AOPEP: variants seen among roughly 807,000 people sequenced by gnomAD.
The protein encoded by AOPEP is aminopeptidase O (putative).
AOPEP carries 77 observed loss-of-function variants against 98.1 expected under a neutral mutation model. The ratio of observed to expected loss-of-function variants is 0.78; its 90% CI spans 0.65 to 0.95. The LOEUF (loss-of-function observed/expected upper bound fraction) is 0.95. Among genes scored for constraint, AOPEP ranks in the 40% least tolerant of loss-of-function variants. The pLI is 0.00. For missense variants in AOPEP, 1,024 were observed against 1,024.7 expected (o/e 1.00, Z 0.01); for synonymous variants, 346 against 365.3 (o/e 0.95, Z 0.60).
intron 13 of AOPEP, among the ~76,000 whole-genome samples, chr9:95,039,379 C>CAACAAAGAAA (rs1204801399): frequency 6.6e-6 from 1 of 151,950 alleles, no homozygotes; most frequent in Non-Finnish European, 1.5e-5. Flanking sequence ...CAAGCCTGGG[C>CAACAAAGAAA]AACATGGTGA....
intron 5 of AOPEP, among the ~76,000 whole-genome samples, chr9:94,861,540 C>A (rs2044991233): frequency 6.6e-6 from 1 of 152,188 alleles, no homozygotes; most frequent in African/African-American, 2.4e-5. Flanking sequence ...TCCATGACAA[C>A]AGAGCCAAGC....
chr9:95,043,975 G>C (rs2133641179), intron 13 of AOPEP, among the ~76,000 whole-genome samples: 1 of 152,306 alleles, frequency 6.6e-6, no homozygotes, highest in South Asian at 2.1e-4. Flanking sequence ...TGACCTTCCT[G>C]TGTTCTCTTT....
intron 1 of AOPEP, among the ~76,000 whole-genome samples, chr9:94,729,104 C>T (rs184813120): frequency 1.2e-3 from 181 of 152,158 alleles, no homozygotes; most frequent in Non-Finnish European, 2.2e-3. Flanking sequence ...TTCTTGTGAT[C>T]GTGATATTTA....
At chr9:95,004,579 TC>T (rs2061793975) in intron 11 of AOPEP, among the ~76,000 whole-genome samples, 1 of 152,056 alleles carries the variant, frequency 6.6e-6, no homozygotes, top group Admixed American at 6.5e-5. Context: ...GGACCAGGTT[TC>T]CGACTCCAGG....
chr9:94,963,587 TTGTTTTATCAATAGATTTTGGGGA>T (rs150149240), intron 9 of AOPEP, among the ~76,000 whole-genome samples: 8,098 of 152,192 alleles, frequency 0.053, 612 homozygotes, highest in African/African-American at 0.17. Context: ...AATAAATCTA[TTGTTTTATCAATAGATTTTGGGGA>T]GTGGGGGTGG....
intron 7 of AOPEP, among the ~76,000 whole-genome samples, chr9:94,953,789 G>A (rs903942557): frequency 6.6e-6 from 1 of 152,126 alleles, no homozygotes; most frequent in African/African-American, 2.4e-5. Context: ...ACTCCTCAGT[G>A]TTGATCCAGT....
chr9:94,819,014 C>A (rs1421508022), intron 5 of AOPEP, among the ~76,000 whole-genome samples: 2 of 151,798 alleles, frequency 1.3e-5, no homozygotes, highest in Non-Finnish European at 2.9e-5. Flanking sequence ...AGCAAACAAA[C>A]AAAAAAAATA....
chr9:94,733,485 A>G (rs1193856970), intron 1 of AOPEP, among the ~76,000 whole-genome samples: 4 of 152,178 alleles, frequency 2.6e-5, no homozygotes, highest in Non-Finnish European at 4.4e-5. Context: ...TAGTATTTGC[A>G]CCGTGTAACC....
intron 13 of AOPEP, among the ~76,000 whole-genome samples, chr9:95,050,168 A>T (rs142735442): frequency 6.6e-6 from 1 of 152,244 alleles, no homozygotes; most frequent in African/African-American, 2.4e-5. Flanking sequence ...TTTGTGCAAA[A>T]TGTGTAACTT....
rs1039078105 is a variant in AOPEP, at chr9:94,945,821, AT to A, written c.1662-9346del. On this transcript the variant is annotated intron_variant, in intron 7 of 16. Transcript: ENST00000375315. ...TTGCCTCTTTCCAGAAGAAGTCGTG[AT>A]TTTTTTTTTAATGCAATACAGAAAA... Among the ~76,000 whole-genome samples, 146 of 149,488 alleles carry A rather than the reference AT, an allele frequency of 9.8e-4. 1 individual carries two copies. The highest frequency in any genetic ancestry group is 1.1e-3 in the South Asian group (5 of 4,740).
intron 1 of AOPEP, among the ~76,000 whole-genome samples, chr9:94,728,156 T>C (rs1325282985): frequency 6.6e-6 from 1 of 152,140 alleles, no homozygotes; most frequent in African/African-American, 2.4e-5. Flanking sequence ...TTTTAATATC[T>C]TTAATACTGT....
intron 5 of AOPEP, among the ~76,000 whole-genome samples, chr9:94,921,842 C>T (rs2053656467): frequency 6.6e-6 from 1 of 152,230 alleles, no homozygotes; most frequent in South Asian, 2.1e-4. Context: ...TATGGTTAAA[C>T]GCCCTTCCTT....
At chr9:94,727,736 A>G (rs1829528980) in intron 1 of AOPEP, among the ~76,000 whole-genome samples, 1 of 152,224 alleles carries the variant, frequency 6.6e-6, no homozygotes, top group Admixed American at 6.5e-5. Context: ...GAAGCCTTCC[A>G]ATGACTTGCT....
Position 94,966,105 on chromosome 9 carries a change from G to T in AOPEP, c.1873-1653G>T, listed in dbSNP as rs188734769. The stretch of plus-strand genomic sequence containing the variant: ...GGGTGTCATCAGAGTCCTGTGTAGA[G>T]TCTGTATTTGCAGACTTGGTTCTAT... On this transcript the variant is annotated intron_variant, in intron 9 of 16. Transcript: ENST00000375315. Among the ~76,000 whole-genome samples, 254 of 147,850 alleles carry T rather than the reference G, an allele frequency of 1.7e-3. 1 individual carries two copies. The highest frequency in any genetic ancestry group is 6.2e-3 in the African/African-American group (242 of 38,784).
chr9:94,811,757 G>A (rs1013105143), intron 5 of AOPEP, among the ~76,000 whole-genome samples: 1 of 152,190 alleles, frequency 6.6e-6, no homozygotes, highest in Non-Finnish European at 1.5e-5. Context: ...GCCCCCAGAG[G>A]CGGCATCTCC....
chr9:94,912,471 A>T (rs55793565), intron 5 of AOPEP, among the ~76,000 whole-genome samples: 1 of 152,138 alleles, frequency 6.6e-6, no homozygotes, highest in Non-Finnish European at 1.5e-5. Context: ...TGAGTGCGTT[A>T]TCTCTTCCTA....
chr9:94,990,616 T>C (rs2132345787), intron 11 of AOPEP, among the ~76,000 whole-genome samples: 1 of 60,166 alleles, frequency 1.7e-5, no homozygotes, highest in East Asian at 3.6e-4. Flanking sequence ...TTTAATTTAA[T>C]TAATTAATTA....
At chr9:95,134,670 G>A in the AOPEP span, among the ~76,000 whole-genome samples, 2 of 152,198 alleles carry the variant, frequency 1.3e-5, no homozygotes, top group African/African-American at 4.8e-5. Flanking sequence ...CTTACAAAAT[G>A]TGCTCCAATC....
intron 13 of AOPEP, among the ~76,000 whole-genome samples, chr9:95,052,194 A>C (rs1348857035): frequency 1.3e-5 from 2 of 152,120 alleles, no homozygotes; most frequent in African/African-American, 4.8e-5. Flanking sequence ...TTCTTACTAT[A>C]TTGGGCATTA....
Sources: allele counts gnomAD v4.1 joint callset (sites outside exome capture counted in the v4.1 genomes callset), GRCh38; gene constraint gnomAD v4.1.1; transcripts MANE v1.5; gene names NCBI Gene and HGNC (gene_info 2026-07-23, HGNC 2026-07-21).